Variants in ATRX observed in about 807,000 individuals in gnomAD.
The protein encoded by ATRX is ATRX chromatin remodeler.
ATRX carries 12 observed loss-of-function variants against 172.6 expected under a neutral mutation model. The observed-to-expected ratio is 0.07, with a 90% confidence interval of 0.04 to 0.11. The LOEUF is 0.11. Among genes scored for constraint, ATRX ranks in the 10% least tolerant of loss-of-function variants. The pLI is 1.00. For missense variants in ATRX, 1,368 were observed against 1,767.4 expected, an observed-to-expected ratio of 0.77 and a Z score of 4.05; for synonymous variants, 674 against 594.7, an observed-to-expected ratio of 1.13 and a Z score of -1.94.
intron 2 of ATRX, among the ~76,000 whole-genome samples, chrX:77,716,453 AAAAATTTAACTCTT>A (rs1205389474): frequency 9.4e-6 from 1 of 106,849 alleles, no homozygotes; most frequent in Non-Finnish European, 1.9e-5. Flanking sequence ...CAAACAACAT[AAAAATTTAACTCTT>A]ATGTTGGGTG....
chrX:77,681,543 T>C lies in ATRX; in HGVS notation c.3713A>G (p.His1238Arg). 8.3e-7 allele frequency: 1 copy of C among 1,210,533 alleles called. No homozygotes were observed. The highest frequency in any genetic ancestry group is 1.1e-6 in the Non-Finnish European group (1 of 894,955). Residue 1238 changes from histidine (H) to arginine (R), a missense_variant, in exon 9 of 35, where the codon CAT becomes CGT. His to Arg is a conservative substitution (Grantham distance 29, BLOSUM62 0). Transcript: ENST00000373344. Reference sequence around the variant, plus strand: ...ACCTGAAGATTGGCAAAATCCAGTATGTGAAGACAGCACTAAATTTTCAGT... The same window carrying C: ...ACCTGAAGATTGGCAAAATCCAGTACGTGAAGACAGCACTAAATTTTCAGT... ...PVTENLVLSSHTGFCQSSGDE... is the reference protein window; with the variant it reads ...PVTENLVLSSRTGFCQSSGDE...
At position 77,718,266 on chromosome X, in the gene ATRX, TCTAA is replaced by T. The variant is rs781914933; in HGVS notation, c.21-1027_21-1024del. ...TCCTCTGCTTGACATAGAAGAACTG[TCTAA>T]CTGACTGGCATAAAGATGAACAAAA... On this transcript the variant is annotated intron_variant, in intron 1 of 34. Transcript: ENST00000373344. Among the ~76,000 whole-genome samples the T allele has an allele frequency of 1.3e-4, 14 of 109,433 alleles. No individual in the cohort carries two copies. The South Asian group carries it at 2.7e-3, about 21-fold the overall frequency.
At chrX:77,722,441 T>C (rs782775315) in intron 1 of ATRX, among the ~76,000 whole-genome samples, 1 of 111,210 alleles carries the variant, frequency 9.0e-6, no homozygotes, top group African/African-American at 3.3e-5. Flanking sequence ...GATCTATCCA[T>C]CTGACAAAGG....
chrX:77,660,961 A>G (rs926800535), intron 12 of ATRX, among the ~76,000 whole-genome samples: 3 of 112,220 alleles, frequency 2.7e-5, no homozygotes, highest in Non-Finnish European at 3.8e-5. Context: ...ACTCAAGTCA[A>G]TCTTCCTCTT....
intron 31 of ATRX, among the ~76,000 whole-genome samples, 176 bp downstream of exon 31, chrX:77,523,076 A>G (rs1445784235): frequency 9.0e-6 from 1 of 110,831 alleles, no homozygotes; most frequent in Non-Finnish European, 1.9e-5. Context: ...TTCTCCTCCT[A>G]CTCTACCACT....
At chrX:77,546,769 C>T (rs1178173138) in intron 30 of ATRX, among the ~76,000 whole-genome samples, 1 of 111,813 alleles carries the variant, frequency 8.9e-6, no homozygotes, top group African/African-American at 3.3e-5. Context: ...GAGGTGTGTG[C>T]CACTGTGTCC....
intron 17 of ATRX, 97 bp from the exon 18 acceptor site, chrX:77,633,809 C>A: frequency 4.9e-5 from 45 of 925,217 alleles, no homozygotes; most frequent in East Asian, 7.0e-5. Context: ...TTTGCTTAAA[C>A]AATAAACGGC....
chrX:77,776,453 T>C (rs1254072360), intron 1 of ATRX, among the ~76,000 whole-genome samples: 2 of 112,129 alleles, frequency 1.8e-5, no homozygotes, highest in Admixed American at 1.9e-4. Flanking sequence ...CTCAATAATG[T>C]AACATATGGG....
chrX:77,712,600 G>T (rs2073166496), intron 2 of ATRX, among the ~76,000 whole-genome samples: 1 of 111,340 alleles, frequency 9.0e-6, no homozygotes, highest in Non-Finnish European at 1.9e-5. Context: ...TGAGGCAGGT[G>T]GATCACCTAA....
At chrX:77,717,390 A>G (rs2073492283) in intron 1 of ATRX, 147 bp from the exon 2 acceptor site, 1 of 490,839 alleles carries the variant, frequency 2.0e-6, no homozygotes, top group Non-Finnish European at 3.4e-6. Context: ...GAAATGTTAC[A>G]GTTGTGGGTG....
At chrX:77,509,952 G>A (rs1292598150) in intron 34 of ATRX, among the ~76,000 whole-genome samples, 1 of 107,287 alleles carries the variant, frequency 9.3e-6, no homozygotes. Flanking sequence ...ACCAGCCAGG[G>A]TGGCCAGGAG....
At chrX:77,782,284 A>G (rs1270968711) in intron 1 of ATRX, among the ~76,000 whole-genome samples, 1 of 112,298 alleles carries the variant, frequency 8.9e-6, no homozygotes, top group Non-Finnish European at 1.9e-5. Context: ...CTACCACCTT[A>G]ACAGATACTT....
At chrX:77,718,132 A>C (rs1397143636) in intron 1 of ATRX, among the ~76,000 whole-genome samples, 1 of 110,708 alleles carries the variant, frequency 9.0e-6, no homozygotes, top group Non-Finnish European at 1.9e-5. Flanking sequence ...AAGAGAGGGC[A>C]AGATTTTCCT....
chrX:77,743,766 C>T (rs1289879035), intron 1 of ATRX, among the ~76,000 whole-genome samples: 2 of 111,825 alleles, frequency 1.8e-5, no homozygotes, highest in African/African-American at 6.5e-5. Context: ...ACCTGGTACA[C>T]CATTACAACA....
At chrX:77,667,417 A>G (rs2070320653) in intron 10 of ATRX, among the ~76,000 whole-genome samples, 1 of 109,730 alleles carries the variant, frequency 9.1e-6, no homozygotes, top group Admixed American at 9.9e-5. Context: ...AAGATCTCAT[A>G]CCATCATTTG....
chrX:77,654,264 A>T, intron 13 of ATRX, 64 bp from the exon 14 acceptor site: 1 of 962,700 alleles, frequency 1.0e-6, no homozygotes, highest in Non-Finnish European at 1.5e-6. Flanking sequence ...TAAGTTATGT[A>T]CTATTTTAAA....
chrX:77,711,549 A>G (rs1557161238), intron 2 of ATRX, among the ~76,000 whole-genome samples: 1 of 112,587 alleles, frequency 8.9e-6, no homozygotes, highest in Non-Finnish European at 1.9e-5. Context: ...TAAAAAGTCA[A>G]CTGGGCTGGG....
rs2071736104 is a variant in ATRX, at chrX:77,688,996, T to G, written c.485-69A>C. The G allele has an allele frequency of 4.9e-6, 4 of 811,005 alleles. No homozygotes were observed. The South Asian group carries it at 8.2e-5, about 17-fold the overall frequency. The allele number at this position is 811,005 out of a possible 1,213,427, so 66.8% of individuals were successfully genotyped here. On this transcript the variant is annotated intron_variant, in intron 6 of 34. Coordinates refer to ENST00000373344, the MANE Select transcript of ATRX (RefSeq NM_000489.6). ...AAAAGATACTTACTTTAGTCAGCAT[T>G]TTGTAACTTTTGTATTAGACATGAA...
In ATRX at chrX:77,521,391, C is replaced by A; in HGVS notation, c.7071+12G>T. On this transcript the variant is annotated intron_variant, in intron 33 of 34. Coordinates refer to ENST00000373344, the MANE Select transcript of ATRX (RefSeq NM_000489.6). ...TTGGAGGTTGGAATAAGACAATTGC[C>A]AATTAGCTTACTACAGCTGAAATTA... 1 of 1,187,441 alleles carries A rather than the reference C, an allele frequency of 8.4e-7. No individual in the cohort carries two copies. Among genetic ancestry groups the A allele is most frequent in the South Asian group, 1.8e-5 (1 of 56,397 alleles).
Sources: gnomAD v4.1 joint callset for allele counts (sites outside exome capture counted in the v4.1 genomes callset) on GRCh38, gnomAD v4.1.1 for gene constraint, MANE v1.5 for transcripts, NCBI Gene and HGNC (gene_info 2026-07-23, HGNC 2026-07-21) for gene names.